CALCRL: variants seen among roughly 807,000 people sequenced by gnomAD.
CALCRL encodes the protein calcitonin receptor like receptor.
CALCRL carries 27 observed loss-of-function variants against 60.4 expected under a neutral mutation model. The observed-to-expected ratio is 0.45, with a 90% CI of 0.33 to 0.62. The LOEUF is 0.62. Among genes scored for constraint, CALCRL ranks in the 20% least tolerant of loss-of-function variants. The pLI is 0.03. For missense variants in CALCRL, 424 were observed against 540.7 expected (o/e 0.78, Z 2.14); for synonymous variants, 190 against 182.6 (o/e 1.04, Z -0.33).
chr2:187,355,343 C>G (rs143820800), intron 12 of CALCRL, among the ~76,000 whole-genome samples: 2 of 152,080 alleles, frequency 1.3e-5, no homozygotes, highest in African/African-American at 2.4e-5. Flanking sequence ...GTATGTCACT[C>G]ATGCCCTTAG....
At chr2:187,427,668 G>A (rs1005471828) in intron 1 of CALCRL, among the ~76,000 whole-genome samples, 4 of 152,072 alleles carry the variant, frequency 2.6e-5, no homozygotes, top group African/African-American at 9.7e-5. Context: ...ACTTAGAGTA[G>A]AGCAGACTCT....
chr2:187,437,800 A>T (rs931877824), intron 1 of CALCRL, among the ~76,000 whole-genome samples: 4 of 152,176 alleles, frequency 2.6e-5, no homozygotes, highest in Admixed American at 2.6e-4. Context: ...GACAATTTTT[A>T]AAAATGTTTT....
intron 12 of CALCRL, among the ~76,000 whole-genome samples, chr2:187,356,716 A>C (rs1208512938): frequency 6.6e-6 from 1 of 152,204 alleles, no homozygotes; most frequent in Non-Finnish European, 1.5e-5. Flanking sequence ...TGAACAGGCT[A>C]CCTACAGAAT....
At chr2:187,400,416 C>T (rs1688840828) in intron 1 of CALCRL, among the ~76,000 whole-genome samples, 1 of 151,194 alleles carries the variant, frequency 6.6e-6, no homozygotes, top group South Asian at 2.1e-4. Context: ...AAATTATAAC[C>T]ACCATATATT....
chr2:187,419,454 T>C (rs575376492), intron 1 of CALCRL, among the ~76,000 whole-genome samples: 1 of 152,280 alleles, frequency 6.6e-6, no homozygotes, highest in East Asian at 1.9e-4. Context: ...GATCTTGGAC[T>C]TCCAGTTTCC....
At chr2:187,386,016 T>A (rs1688191037) in intron 3 of CALCRL, among the ~76,000 whole-genome samples, 1 of 152,126 alleles carries the variant, frequency 6.6e-6, no homozygotes, top group Admixed American at 6.6e-5. Flanking sequence ...AAACTGCAAA[T>A]GTTTAAGAGC....
At chr2:187,415,521 G>A (rs573838089) in intron 1 of CALCRL, 6 of 381,152 alleles carry the variant, frequency 1.6e-5, no homozygotes, top group Admixed American at 8.9e-5. Context: ...AACTTTTGTG[G>A]TATCTAACAA....
At chr2:187,384,760 C>T (rs1232551563) in intron 4 of CALCRL, among the ~76,000 whole-genome samples, 1 of 151,882 alleles carries the variant, frequency 6.6e-6, no homozygotes, top group Non-Finnish European at 1.5e-5. Flanking sequence ...TTGGAAACAC[C>T]TCAAGAAAAT....
chr2:187,411,120 C>A (rs1352513875), intron 1 of CALCRL, among the ~76,000 whole-genome samples: 1 of 151,702 alleles, frequency 6.6e-6, no homozygotes, highest in African/African-American at 2.4e-5. Context: ...TAAATGGTAC[C>A]CTTTTTACTT....
chr2:187,378,670 CA>C (rs1185852100), intron 8 of CALCRL, among the ~76,000 whole-genome samples: 1 of 152,042 alleles, frequency 6.6e-6, no homozygotes, highest in Non-Finnish European at 1.5e-5. Context: ...AAAGCAAATA[CA>C]GTTAGGTTTA....
intron 14 of CALCRL, among the ~76,000 whole-genome samples, chr2:187,348,465 A>T (rs1686383160): frequency 6.6e-6 from 1 of 151,698 alleles, no homozygotes; most frequent in African/African-American, 2.4e-5. Context: ...ATAAAGTATG[A>T]GAAAAAGCTG....
intron 8 of CALCRL, among the ~76,000 whole-genome samples, chr2:187,369,523 A>T (rs1687434158): frequency 6.6e-6 from 1 of 152,170 alleles, no homozygotes; most frequent in Admixed American, 6.5e-5. Flanking sequence ...AAAGTGATCT[A>T]TTGAGTTTGA....
chr2:187,379,731 G>A (rs1364662786), intron 7 of CALCRL, among the ~76,000 whole-genome samples: 2 of 152,030 alleles, frequency 1.3e-5, no homozygotes, highest in African/African-American at 4.8e-5. Flanking sequence ...TATTTCCCTT[G>A]TGTTAAATCA....
At chr2:187,412,618 A>G (rs1689416286) in intron 1 of CALCRL, among the ~76,000 whole-genome samples, 1 of 152,216 alleles carries the variant, frequency 6.6e-6, no homozygotes. Flanking sequence ...ATAGACTATT[A>G]TCTGAATTAT....
intron 1 of CALCRL, among the ~76,000 whole-genome samples, chr2:187,394,829 A>T (rs190784206): frequency 1.8e-3 from 270 of 152,034 alleles, no homozygotes; most frequent in African/African-American, 6.0e-3. Context: ...AACTCTCTCA[A>T]CCGATTTTCT....
chr2:187,363,209 T>C (rs1687132580), intron 9 of CALCRL, among the ~76,000 whole-genome samples, 167 bp downstream of exon 9: 1 of 152,078 alleles, frequency 6.6e-6, no homozygotes, highest in Admixed American at 6.6e-5. Context: ...GAAAGGTAAA[T>C]ATTTCTCAAT....
chr2:187,429,237 C>A (rs1310837097), intron 1 of CALCRL, among the ~76,000 whole-genome samples: 3 of 150,680 alleles, frequency 2.0e-5, no homozygotes, highest in African/African-American at 7.4e-5. Flanking sequence ...TGTATGATTA[C>A]ATAAATAAAA....
chr2:187,414,878 T>TA (rs201866431), intron 1 of CALCRL, among the ~76,000 whole-genome samples: 3,060 of 8,478 alleles, frequency 0.36, 39 homozygotes, highest in Middle Eastern at 0.44. Flanking sequence ...AGAAAATTAT[T>TA]TTTTTTTTTT....
At chr2:187,432,273 A>T (rs1191556380) in intron 1 of CALCRL, among the ~76,000 whole-genome samples, 1 of 152,182 alleles carries the variant, frequency 6.6e-6, no homozygotes, top group Non-Finnish European at 1.5e-5. Flanking sequence ...AAAGCAAGAC[A>T]TAGCTAGTTT....
Sources: gnomAD v4.1 joint callset for allele counts (sites outside exome capture counted in the v4.1 genomes callset) on GRCh38, gnomAD v4.1.1 for gene constraint, MANE v1.5 for transcripts, NCBI Gene and HGNC (gene_info 2026-07-23, HGNC 2026-07-21) for gene names.